CUX1: variants seen among roughly 807,000 people sequenced by gnomAD.
CUX1 encodes cut like homeobox 1.
In CUX1, 31 loss-of-function variants were observed where a neutral mutation model predicts 158.8. That is an observed-to-expected ratio of 0.20 (90% confidence interval 0.15 to 0.26). CUX1 has a LOEUF of 0.26. Ranked by LOEUF, CUX1 falls within the 10% of genes least tolerant of loss-of-function variation. CUX1 has a pLI of 1.00. For synonymous variants in CUX1, 879 were observed against 862.1 expected (o/e 1.02, Z -0.34); for missense variants, 1,589 against 2,014.6 (o/e 0.79, Z 4.04).
intron 9 of CUX1, among the ~76,000 whole-genome samples, chr7:102,160,801 A>G (rs1449877622): frequency 1.3e-5 from 2 of 152,106 alleles, no homozygotes; most frequent in African/African-American, 2.4e-5. Context: ...GGGAAATACG[A>G]AGTTGTTGTT....
At chr7:101,825,734 CCT>C (rs930394897) in intron 1 of CUX1, among the ~76,000 whole-genome samples, 3 of 147,850 alleles carry the variant, frequency 2.0e-5, no homozygotes, top group African/African-American at 7.5e-5. Context: ...CTTAAAACGC[CCT>C]GATACCTTAA....
At chr7:102,280,138 G>GCTCAC in intron 19 of CUX1, 1 of 1,556,548 alleles carries the variant, frequency 6.4e-7, no homozygotes, top group Non-Finnish European at 8.8e-7. Context: ...AGCCCAGCCT[G>GCTCAC]GGCAGGGGAG....
rs191535977 is a variant in CUX1, at chr7:102,149,079, G to A, written c.675-9481G>A. 3.5e-4 allele frequency among the ~76,000 whole-genome samples: 54 copies of A among 152,192 alleles called. 1 individual carries two copies. Among genetic ancestry groups the A allele is most frequent in the African/African-American group, 1.1e-3 (44 of 41,504 alleles). ...AAAGGGTGTGGGAAGAGACTCTGCC[G>A]TCTTTATTTGCAGATGTGGTCACAG... On this transcript the variant is annotated intron_variant, in intron 8 of 23. Coordinates refer to ENST00000292535, the MANE Select transcript of CUX1 (RefSeq NM_181552.4).
chr7:101,918,981 G>T (rs1804561282), intron 2 of CUX1, among the ~76,000 whole-genome samples: 1 of 152,166 alleles, frequency 6.6e-6, no homozygotes, highest in African/African-American at 2.4e-5. Flanking sequence ...ATTTCACTAT[G>T]TTGGCCAGGC....
chr7:101,927,396 T>C (rs1805716653), intron 2 of CUX1, among the ~76,000 whole-genome samples: 1 of 152,130 alleles, frequency 6.6e-6, no homozygotes, highest in Non-Finnish European at 1.5e-5. Flanking sequence ...CGGTAGCTCA[T>C]TTCTGTAATC....
rs373671032 is a variant in CUX1 at position 102,073,203 on chromosome 7, G to A, written c.268+2786G>A. 2.9e-4 allele frequency among the ~76,000 whole-genome samples: 25 copies of A among 87,018 alleles called. 1 individual carries two copies. The East Asian group carries it at 5.1e-3, about 18-fold the overall frequency. 57.1% of individuals were successfully genotyped at this position (87,018 alleles called of 152,430 possible). A position where few individuals can be genotyped will look rare whatever the true frequency, so the allele number is the denominator to read the frequency against. On this transcript the variant is annotated intron_variant, in intron 4 of 23. Coordinates refer to ENST00000292535, the MANE Select transcript of CUX1 (RefSeq NM_181552.4). ...TTTTTTTTTTTTCTGAGACAGAGTCGCACTCTGTCAAAGAGGCTGGAGTGC... is the reference window on the plus strand; with the variant it reads ...TTTTTTTTTTTTCTGAGACAGAGTCACACTCTGTCAAAGAGGCTGGAGTGC...
At chr7:102,059,393 G>A (rs1824514379) in intron 3 of CUX1, among the ~76,000 whole-genome samples, 1 of 152,112 alleles carries the variant, frequency 6.6e-6, no homozygotes, top group Non-Finnish European at 1.5e-5. Flanking sequence ...CAGCACTTTG[G>A]GAGGCCAAGG....
At chr7:102,124,863 C>A (rs797028697) in intron 8 of CUX1, among the ~76,000 whole-genome samples, 15 of 151,638 alleles carry the variant, frequency 9.9e-5, no homozygotes, top group African/African-American at 3.4e-4. Context: ...CTCACTGCAA[C>A]CTCCGCCTCC....
At chr7:102,009,642 C>G (rs919832118) in intron 2 of CUX1, among the ~76,000 whole-genome samples, 2 of 152,238 alleles carry the variant, frequency 1.3e-5, no homozygotes, top group Admixed American at 6.5e-5. Context: ...CAGGCCCACG[C>G]CAGGTCTTAA....
chr7:102,145,891 GA>G (rs1425111050), intron 8 of CUX1, among the ~76,000 whole-genome samples: 35 of 152,198 alleles, frequency 2.3e-4, no homozygotes, highest in Non-Finnish European at 4.7e-4. Flanking sequence ...AGGTTGCGGT[GA>G]GTCGAGATCG....
rs1372056649 is a variant in CUX1 at position 102,201,646 on chromosome 7, C to T, written c.2349C>T (p.Ala783=). ...AGASALPNPP[A]LKKEAQDAPG... The stretch of plus-strand genomic sequence containing the variant: ...CCTCTGCTCTGCCGAACCCCCCGGC[C>T]CTCAAAAAGGAGGCCCAGGACGCCC... The change falls in exon 18 of 24, where the codon GCC becomes GCT. Residue 783 remains alanine (A), a synonymous_variant. Transcript: ENST00000292535. This position sits in a 1 kb window ranked among gnomAD's most constrained non-coding sequence, Gnocchi z 5.0. 1.9e-6 allele frequency: 3 copies of T among 1,613,480 alleles called. No homozygotes were observed. Among genetic ancestry groups the T allele is most frequent in the Admixed American group, 1.7e-5 (1 of 60,008 alleles).
At chr7:102,283,144 C>A in exon 23 of CUX1, 1 of 1,400,120 alleles carries the variant, frequency 7.1e-7, no homozygotes, top group Non-Finnish European at 1.0e-6. Context: ...CCCGACTGCT[C>A]AGTGCATCTA....
intron 2 of CUX1, among the ~76,000 whole-genome samples, chr7:102,020,417 A>G (rs1819203662): frequency 6.6e-6 from 1 of 151,366 alleles, no homozygotes; most frequent in South Asian, 2.1e-4. Flanking sequence ...ATCATATAAT[A>G]TATATTGTCT....
chr7:102,007,733 TTTTTGTTTTG>T (rs562179854), intron 2 of CUX1, among the ~76,000 whole-genome samples: 1 of 151,248 alleles, frequency 6.6e-6, no homozygotes, highest in African/African-American at 2.4e-5. Flanking sequence ...TCTGGTGTTT[TTTTTGTTTTG>T]TTTTGTTTTG....
intron 14 of CUX1, among the ~76,000 whole-genome samples, chr7:102,268,521 C>T (rs781941912): frequency 1.3e-5 from 2 of 152,170 alleles, no homozygotes; most frequent in Non-Finnish European, 2.9e-5. Context: ...TTGTGGATCA[C>T]CCCCTGAAGC....
intron 1 of CUX1, among the ~76,000 whole-genome samples, chr7:101,874,961 A>G (rs1584844602): frequency 3.3e-5 from 5 of 151,708 alleles, no homozygotes; most frequent in Admixed American, 3.3e-4. Context: ...ACCTCATTCC[A>G]CCCCTTTAGT....
At chr7:102,045,465 C>T (rs372403949) in intron 3 of CUX1, among the ~76,000 whole-genome samples, 9 of 152,238 alleles carry the variant, frequency 5.9e-5, no homozygotes, top group Admixed American at 2.6e-4. Flanking sequence ...TGGGCTGGAG[C>T]GCAGCCAAGC....
intron 15 of CUX1, 91 bp from the exon 16 acceptor site, chr7:102,198,711 A>T (rs971968451): frequency 1.6e-5 from 18 of 1,142,430 alleles, no homozygotes; most frequent in African/African-American, 4.6e-5. Context: ...CTTTAGTGAC[A>T]GGCGGCTCAG....
At chr7:102,115,399 G>C in intron 8 of CUX1, 126 bp downstream of exon 8, 1 of 755,312 alleles carries the variant, frequency 1.3e-6, no homozygotes, top group Non-Finnish European at 2.2e-6. Context: ...TTTCCCATGA[G>C]TTACTTGCGT....
Sources: gnomAD v4.1 joint callset for allele counts (sites outside exome capture counted in the v4.1 genomes callset) on GRCh38, gnomAD v4.1.1 for gene constraint, Gnocchi (gnomAD v3.1) non-coding constraint, MANE v1.5 for transcripts, NCBI Gene and HGNC (gene_info 2026-07-23, HGNC 2026-07-21) for gene names.